ACTR3C: variants seen among roughly 807,000 people sequenced by gnomAD.
ACTR3C encodes the protein actin related protein 3C.
In ACTR3C, 18 loss-of-function variants were observed where a neutral mutation model predicts 26.3. The observed-to-expected ratio is 0.68, with a 90% CI of 0.47 to 1.01. ACTR3C has a LOEUF of 1.01. ACTR3C is among the 50% of genes least tolerant of loss of function. The pLI, the probability that ACTR3C is intolerant of heterozygous loss-of-function variation, is 0.00. For synonymous variants in ACTR3C, 55 were observed against 94.5 expected, an observed-to-expected ratio of 0.58 and a Z score of 2.42; for missense variants, 184 against 250.7, an observed-to-expected ratio of 0.73 and a Z score of 1.80.
At chr7:149,999,120 T>C in the ACTR3C span, among the ~76,000 whole-genome samples, 7 of 150,638 alleles carry the variant, frequency 4.6e-5, 1 homozygote, top group East Asian at 1.5e-3. Flanking sequence ...TGCTCCCAGA[T>C]CCCTGCTACC....
the ACTR3C span, among the ~76,000 whole-genome samples, chr7:150,125,333 C>T: frequency 6.6e-6 from 1 of 151,104 alleles, no homozygotes; most frequent in East Asian, 1.9e-4. Flanking sequence ...AGACCCATAA[C>T]AAGGAGACTT....
intron 4 of ACTR3C, 148 bp downstream of exon 4, chr7:150,289,302 C>T (rs1836029427): frequency 7.4e-7 from 1 of 1,353,396 alleles, no homozygotes; most frequent in Non-Finnish European, 9.7e-7. Flanking sequence ...CATCTTCAGC[C>T]CACTTAAGGG....
the ACTR3C span, among the ~76,000 whole-genome samples, chr7:150,075,543 G>A: frequency 7.2e-5 from 11 of 152,276 alleles, no homozygotes; most frequent in East Asian, 2.1e-3. Flanking sequence ...TACTGATGAT[G>A]CCAATAGTTA....
At chr7:149,993,991 G>T in the ACTR3C span, among the ~76,000 whole-genome samples, 1 of 152,202 alleles carries the variant, frequency 6.6e-6, no homozygotes, top group African/African-American at 2.4e-5. Flanking sequence ...CATTAAGAGA[G>T]GAACAGCAAT....
the ACTR3C span, among the ~76,000 whole-genome samples, chr7:150,114,781 A>G: frequency 6.6e-6 from 1 of 152,148 alleles, no homozygotes; most frequent in Non-Finnish European, 1.5e-5. Context: ...ATCTTATCAA[A>G]GACATTTTTT....
the ACTR3C span, among the ~76,000 whole-genome samples, chr7:149,908,164 G>A: frequency 1.3e-5 from 2 of 152,162 alleles, no homozygotes; most frequent in Non-Finnish European, 2.9e-5. Context: ...AGAGAAGGCA[G>A]CCCTCTGCAG....
the ACTR3C span, among the ~76,000 whole-genome samples, chr7:149,945,527 G>A: frequency 6.6e-6 from 1 of 152,216 alleles, no homozygotes; most frequent in African/African-American, 2.4e-5. Flanking sequence ...TCAGTGCTGA[G>A]GAGGCTCTGG....
At chr7:149,888,227 A>G in the ACTR3C span, among the ~76,000 whole-genome samples, 1 of 152,106 alleles carries the variant, frequency 6.6e-6, no homozygotes, top group Non-Finnish European at 1.5e-5. Context: ...CCCCCTATTA[A>G]TGACCCCTGT....
the ACTR3C span, among the ~76,000 whole-genome samples, chr7:149,983,903 T>G: frequency 6.6e-6 from 1 of 152,118 alleles, no homozygotes; most frequent in Non-Finnish European, 1.5e-5. Context: ...ATGGTTCCAC[T>G]TCCTAAAGCA....
chr7:150,036,942 C>A, the ACTR3C span, among the ~76,000 whole-genome samples: 2 of 96,674 alleles, frequency 2.1e-5, no homozygotes, highest in African/African-American at 3.9e-5. Context: ...TCCTAAGAGC[C>A]AGTGGGGGAA....
the ACTR3C span, among the ~76,000 whole-genome samples, chr7:149,906,408 GTTTCTTTTTTTTTTT>G: frequency 2.2e-5 from 2 of 90,706 alleles, no homozygotes; most frequent in African/African-American, 1.0e-4. Flanking sequence ...TGTGGGGTTT[GTTTCTTTTTTTTTTT>G]TTTTTTTTTT....
the ACTR3C span, among the ~76,000 whole-genome samples, chr7:149,987,961 A>T: frequency 1.3e-5 from 2 of 152,180 alleles, no homozygotes; most frequent in African/African-American, 4.8e-5. Flanking sequence ...ACTGAATACA[A>T]TTTTCTAATC....
chr7:150,181,595 T>C, the ACTR3C span, among the ~76,000 whole-genome samples: 1 of 146,006 alleles, frequency 6.8e-6, no homozygotes, highest in Non-Finnish European at 1.5e-5. Context: ...CAAGACACTG[T>C]CTCAGAAAAA....
chr7:149,948,884 G>A, the ACTR3C span, among the ~76,000 whole-genome samples: 4,372 of 151,914 alleles, frequency 0.029, 191 homozygotes, highest in East Asian at 0.27. Flanking sequence ...AAGTGTGATC[G>A]GGAGTGGGAG....
At chr7:150,009,731 G>T in the ACTR3C span, among the ~76,000 whole-genome samples, 7 of 152,216 alleles carry the variant, frequency 4.6e-5, no homozygotes, top group Non-Finnish European at 1.0e-4. Context: ...AGAAACACCA[G>T]AGAAGAACGA....
At chr7:150,135,132 C>T in the ACTR3C span, among the ~76,000 whole-genome samples, 7 of 152,154 alleles carry the variant, frequency 4.6e-5, no homozygotes, top group South Asian at 1.0e-3. Flanking sequence ...ATTAGCCAGG[C>T]GTGGTGGTGG....
chr7:150,181,933 G>A, the ACTR3C span, among the ~76,000 whole-genome samples: 3 of 150,510 alleles, frequency 2.0e-5, no homozygotes, highest in Non-Finnish European at 4.4e-5. Context: ...AACACAAACA[G>A]CCCTGCACTC....
At chr7:149,956,230 A>G in the ACTR3C span, among the ~76,000 whole-genome samples, 2 of 152,204 alleles carry the variant, frequency 1.3e-5, no homozygotes, top group Non-Finnish European at 2.9e-5. Context: ...TGTATAGACT[A>G]GCTCTATAAT....
the ACTR3C span, among the ~76,000 whole-genome samples, chr7:149,919,266 A>T: frequency 6.6e-6 from 1 of 150,578 alleles, no homozygotes; most frequent in African/African-American, 2.4e-5. Flanking sequence ...TTTTTGAGAC[A>T]GAGTCACTCT....
Sources: gnomAD v4.1 joint callset for allele counts (sites outside exome capture counted in the v4.1 genomes callset) on GRCh38, gnomAD v4.1.1 for gene constraint, MANE v1.5 for transcripts, NCBI Gene and HGNC (gene_info 2026-07-23, HGNC 2026-07-21) for gene names.